KCNN2: variants seen among roughly 807,000 people sequenced by gnomAD.
KCNN2 encodes potassium calcium-activated channel subfamily N member 2, also known as small conductance calcium-activated potassium channel protein 2.
Under a neutral mutation model 55.5 loss-of-function variants are expected in KCNN2, and 24 were observed. The ratio of observed to expected loss-of-function variants is 0.43; its 90% CI spans 0.31 to 0.61. KCNN2 has a LOEUF of 0.61. Ranked by LOEUF, KCNN2 falls within the 20% of genes least tolerant of loss-of-function variation. The probability of loss-of-function intolerance (pLI) is 0.08; values close to 1 mark genes in which losing one functional copy is unlikely to be tolerated. For synonymous variants in KCNN2, 431 were observed against 336.1 expected, an observed-to-expected ratio of 1.28 and a Z score of -3.09; for missense variants, 754 against 853.6, an observed-to-expected ratio of 0.88 and a Z score of 1.45.
At chr5:114,369,237 C>G (rs1423200844) in intron 2 of KCNN2, among the ~76,000 whole-genome samples, 3 of 152,128 alleles carry the variant, frequency 2.0e-5, no homozygotes, top group Non-Finnish European at 4.4e-5. Flanking sequence ...AAAAGTTTAC[C>G]ATTTTCTTGC....
intron 2 of KCNN2, among the ~76,000 whole-genome samples, chr5:114,283,405 T>C (rs1271483395): frequency 2.6e-5 from 4 of 152,210 alleles, no homozygotes; most frequent in African/African-American, 9.6e-5. Context: ...ATCTTCAGTA[T>C]CACATTTTAC....
intron 1 of KCNN2, among the ~76,000 whole-genome samples, chr5:114,060,511 G>GA (rs1205359044): frequency 8.5e-5 from 13 of 152,274 alleles, no homozygotes; most frequent in African/African-American, 2.6e-4. Flanking sequence ...GCTTGGCTTT[G>GA]AGGTGATCAA....
intron 2 of KCNN2, among the ~76,000 whole-genome samples, chr5:114,369,995 G>A (rs1180262288): frequency 1.3e-5 from 2 of 152,084 alleles, no homozygotes; most frequent in Non-Finnish European, 2.9e-5. Flanking sequence ...AGTTAGGATA[G>A]GAAGTGGTTT....
intron 1 of KCNN2, among the ~76,000 whole-genome samples, chr5:114,162,831 G>A (rs927140697): frequency 8.5e-5 from 13 of 152,124 alleles, no homozygotes; most frequent in South Asian, 2.1e-4. Flanking sequence ...CTGGTGTGCC[G>A]TTTGTTAAGT....
intron 1 of KCNN2, among the ~76,000 whole-genome samples, chr5:114,150,229 C>T (rs186622894): frequency 1.4e-3 from 210 of 152,254 alleles, no homozygotes; most frequent in Middle Eastern, 3.4e-3. Flanking sequence ...GGTCTCCCTA[C>T]ATACCTGACT....
At chr5:114,174,716 G>A (rs1753103637) in intron 1 of KCNN2, among the ~76,000 whole-genome samples, 1 of 152,148 alleles carries the variant, frequency 6.6e-6, no homozygotes, top group African/African-American at 2.4e-5. Context: ...AAAACAGGAT[G>A]TCATGAAATT....
chr5:114,393,417 ATTAC>A (rs1731939355), intron 2 of KCNN2, among the ~76,000 whole-genome samples: 1 of 152,114 alleles, frequency 6.6e-6, no homozygotes, highest in Admixed American at 6.6e-5. Flanking sequence ...AACGTCAGTG[ATTAC>A]TTTCTAGTTT....
Position 114,477,898 on chromosome 5 carries a change from C to G in KCNN2, c.1890+4734C>G, listed in dbSNP as rs189814213. On this transcript the variant is annotated intron_variant, in intron 5 of 7. Transcript: ENST00000673685. ...CTCAATCAGATCCATAATAAGAACA[C>G]TATTATGCAGTTATATAATTTTGTT... Among the ~76,000 whole-genome samples, 453 of 152,266 alleles carry G rather than the reference C, an allele frequency of 3.0e-3. 5 individuals are homozygous for G. Among genetic ancestry groups the G allele is most frequent in the African/African-American group, 0.011 (437 of 41,548 alleles).
chr5:114,168,259 A>G (rs144601795), intron 1 of KCNN2, among the ~76,000 whole-genome samples: 2 of 151,714 alleles, frequency 1.3e-5, no homozygotes, highest in East Asian at 1.9e-4. Context: ...TGGGTTTTCT[A>G]TTTAGTTTCC....
chr5:114,060,012 G>A (rs1362210725), intron 1 of KCNN2, among the ~76,000 whole-genome samples: 1 of 152,220 alleles, frequency 6.6e-6, no homozygotes, highest in East Asian at 1.9e-4. Context: ...TAATTAGCTC[G>A]GCACTGGCCG....
At chr5:114,110,855 G>T (rs1009319738) in intron 1 of KCNN2, among the ~76,000 whole-genome samples, 1 of 152,006 alleles carries the variant, frequency 6.6e-6, no homozygotes, top group African/African-American at 2.4e-5. Context: ...GCTGAATGAT[G>T]GTTGAGAAGC....
chr5:114,161,171 C>T (rs1273931670), intron 1 of KCNN2, among the ~76,000 whole-genome samples: 1 of 152,148 alleles, frequency 6.6e-6, no homozygotes, highest in Non-Finnish European at 1.5e-5. Flanking sequence ...TTTAGCGCTT[C>T]CTTCAGGAGC....
intron 5 of KCNN2, among the ~76,000 whole-genome samples, chr5:114,483,300 G>A (rs1389363100): frequency 1.4e-5 from 2 of 140,846 alleles, no homozygotes; most frequent in Admixed American, 7.4e-5. Flanking sequence ...TTTGAGAGAC[G>A]GAGTCGCTTT....
chr5:114,099,986 A>G (rs927507612), intron 1 of KCNN2, among the ~76,000 whole-genome samples: 2 of 151,990 alleles, frequency 1.3e-5, no homozygotes, highest in African/African-American at 4.8e-5. Flanking sequence ...ATTTCTTCAC[A>G]AATTACAATC....
chr5:114,244,003 A>G (rs575387112), intron 2 of KCNN2, among the ~76,000 whole-genome samples: 4 of 152,352 alleles, frequency 2.6e-5, no homozygotes, highest in African/African-American at 9.6e-5. Flanking sequence ...CAACTACAGT[A>G]AATGTTAACC....
intron 2 of KCNN2, among the ~76,000 whole-genome samples, chr5:114,232,022 AT>A (rs1330644525): frequency 2.0e-5 from 3 of 151,154 alleles, no homozygotes; most frequent in South Asian, 2.1e-4. Context: ...TAATCTACTG[AT>A]TTTTTTAACT....
At chr5:114,209,527 G>A (rs1753836731) in intron 1 of KCNN2, among the ~76,000 whole-genome samples, 1 of 151,998 alleles carries the variant, frequency 6.6e-6, no homozygotes, top group African/African-American at 2.4e-5. Context: ...GACTGCTGTT[G>A]TATTTCATGT....
chr5:114,216,619 T>G (rs2112587730), intron 1 of KCNN2, among the ~76,000 whole-genome samples: 1 of 152,192 alleles, frequency 6.6e-6, no homozygotes, highest in South Asian at 2.1e-4. Context: ...AAACTGGTAA[T>G]AGAGAGGAAC....
chr5:114,337,340 G>A (rs1756939933), intron 2 of KCNN2, among the ~76,000 whole-genome samples: 1 of 152,184 alleles, frequency 6.6e-6, no homozygotes. Context: ...ACTCACTGAG[G>A]TTGAGGTTCC....
Sources: gnomAD v4.1 joint callset for allele counts (sites outside exome capture counted in the v4.1 genomes callset) on GRCh38, gnomAD v4.1.1 for gene constraint, MANE v1.5 for transcripts, NCBI Gene and HGNC (gene_info 2026-07-23, HGNC 2026-07-21) for gene names.